The following PARD3B variants were observed in gnomAD, a reference collection of about 807,000 sequenced individuals.
PARD3B encodes partitioning defective 3 homolog B.
A neutral mutation model predicts 130.2 loss-of-function variants in PARD3B; 103 were observed. That is an observed-to-expected ratio of 0.79 (90% confidence interval 0.67 to 0.93). PARD3B has a LOEUF of 0.93. Ranked by LOEUF, PARD3B falls within the 40% of genes least tolerant of loss-of-function variation. The pLI, the probability that PARD3B is intolerant of heterozygous loss-of-function variation, is 0.00. For missense variants in PARD3B, 1,609 were observed against 1,499.2 expected (o/e 1.07, Z -1.21); for synonymous variants, 583 against 553.2 (o/e 1.05, Z -0.76).
chr2:204,847,536 G>T (rs2044513284), intron 2 of PARD3B, among the ~76,000 whole-genome samples: 1 of 152,102 alleles, frequency 6.6e-6, no homozygotes, highest in Non-Finnish European at 1.5e-5. Flanking sequence ...CAATTCATAT[G>T]TTTCAAGTTG....
intron 2 of PARD3B, among the ~76,000 whole-genome samples, chr2:204,871,722 T>G (rs1325542898): frequency 6.6e-6 from 1 of 152,122 alleles, no homozygotes; most frequent in Non-Finnish European, 1.5e-5. Flanking sequence ...TGATTTCCCT[T>G]TTATGTGTTG....
intron 2 of PARD3B, among the ~76,000 whole-genome samples, chr2:204,775,531 T>C (rs1398484358): frequency 1.3e-5 from 2 of 152,124 alleles, no homozygotes; most frequent in African/African-American, 2.4e-5. Flanking sequence ...GGAGCCAGGA[T>C]TGGAATCCAG....
intron 15 of PARD3B, among the ~76,000 whole-genome samples, chr2:205,195,606 A>G (rs1331604211): frequency 6.6e-6 from 1 of 152,230 alleles, no homozygotes; most frequent in Non-Finnish European, 1.5e-5. Flanking sequence ...GGAATAGACT[A>G]TTCGTTTTCC....
At chr2:204,805,234 T>G (rs1354810356) in intron 2 of PARD3B, among the ~76,000 whole-genome samples, 1 of 151,966 alleles carries the variant, frequency 6.6e-6, no homozygotes, top group African/African-American at 2.4e-5. Flanking sequence ...AAAGAGACAT[T>G]ACAACTGATA....
chr2:205,030,765 A>T (rs573027233), intron 3 of PARD3B, among the ~76,000 whole-genome samples: 13 of 152,262 alleles, frequency 8.5e-5, no homozygotes, highest in African/African-American at 2.9e-4. Context: ...TAGGACTGGA[A>T]GCTATGGTAA....
rs114371226 is a variant in PARD3B at position 205,117,395 on chromosome 2, G to A, written c.681-1526G>A. 8.0e-3 allele frequency among the ~76,000 whole-genome samples: 1,223 copies of A among 152,238 alleles called. 22 individuals carry two copies. The highest frequency in any genetic ancestry group is 0.027 in the African/African-American group (1,124 of 41,520). ...TTGCTGTTCTTTCTCCTGCAGCAGC[G>A]TGCTGTATTCATTTAACATTTTGAA... On this transcript the variant is annotated intron_variant, in intron 6 of 22. Transcript: ENST00000406610.
intron 2 of PARD3B, among the ~76,000 whole-genome samples, chr2:204,851,150 A>G (rs190279730): frequency 6.6e-6 from 1 of 152,324 alleles, no homozygotes; most frequent in African/African-American, 2.4e-5. Flanking sequence ...GGTTTATACC[A>G]GAGGTACTCC....
chr2:204,753,462 A>C (rs1271779113), intron 2 of PARD3B, among the ~76,000 whole-genome samples: 1 of 152,150 alleles, frequency 6.6e-6, no homozygotes, highest in African/African-American at 2.4e-5. Flanking sequence ...TTCCCATTCT[A>C]TACTGGCTTG....
intron 3 of PARD3B, among the ~76,000 whole-genome samples, chr2:204,982,363 A>G (rs1224817433): frequency 2.6e-5 from 4 of 152,152 alleles, no homozygotes; most frequent in East Asian, 3.9e-4. Context: ...TCTCCAACTC[A>G]CAGACGACCA....
At chr2:205,064,479 C>T (rs1700243066) in intron 4 of PARD3B, among the ~76,000 whole-genome samples, 2 of 152,136 alleles carry the variant, frequency 1.3e-5, no homozygotes, top group Non-Finnish European at 2.9e-5. Context: ...GAAAAAAAGT[C>T]TGATTGGCCC....
chr2:204,890,952 G>A lies in PARD3B; in HGVS notation c.223-74200G>A, dbSNP rs1004608113. Among the ~76,000 whole-genome samples, 8 of 152,068 alleles carry A rather than the reference G, an allele frequency of 5.3e-5. No individual in the cohort carries two copies. Among genetic ancestry groups the A allele is most frequent in the Non-Finnish European group, 8.8e-5 (6 of 68,008 alleles). On this transcript the variant is annotated intron_variant, in intron 2 of 22. Coordinates refer to ENST00000406610, the MANE Select transcript of PARD3B (RefSeq NM_001302769.2). The surrounding 1 kb of genome is among the most constrained non-coding windows in gnomAD (Gnocchi z 4.9). ...TCTTGCCATCATCCACTGCCTCCAT[G>A]AGGATATTCTAGGAATCTGTATCTA...
intron 20 of PARD3B, among the ~76,000 whole-genome samples, chr2:205,448,278 C>T (rs2047977352): frequency 6.6e-6 from 1 of 152,170 alleles, no homozygotes; most frequent in African/African-American, 2.4e-5. Context: ...CAGATATGGT[C>T]AGAAAATCAC....
At chr2:204,959,945 A>G (rs1348028628) in intron 2 of PARD3B, among the ~76,000 whole-genome samples, 1 of 150,378 alleles carries the variant, frequency 6.6e-6, no homozygotes, top group Non-Finnish European at 1.5e-5. Context: ...TGTTCCTGTG[A>G]ACCTCTTTCT....
chr2:204,973,451 T>C (rs1243958488), intron 3 of PARD3B, among the ~76,000 whole-genome samples: 1 of 152,180 alleles, frequency 6.6e-6, no homozygotes, highest in Non-Finnish European at 1.5e-5. Flanking sequence ...CAATTTAATA[T>C]ATGGTAAAGC....
At chr2:205,004,675 A>T (rs1043393497) in intron 3 of PARD3B, among the ~76,000 whole-genome samples, 4 of 152,202 alleles carry the variant, frequency 2.6e-5, no homozygotes, top group African/African-American at 9.7e-5. Flanking sequence ...TATTTTCATA[A>T]ATTAAATTAA....
chr2:204,574,659 G>A (rs2032165159), intron 1 of PARD3B, among the ~76,000 whole-genome samples: 1 of 152,210 alleles, frequency 6.6e-6, no homozygotes, highest in Non-Finnish European at 1.5e-5. Context: ...GTTCTTATCT[G>A]TAAGATGGCG....
At chr2:205,100,524 C>T (rs529902280) in intron 4 of PARD3B, among the ~76,000 whole-genome samples, 1 of 151,598 alleles carries the variant, frequency 6.6e-6, no homozygotes, top group Non-Finnish European at 1.5e-5. Flanking sequence ...CCCAGCATAG[C>T]CAAAGCAATC....
At chr2:204,588,871 G>A (rs1445525195) in intron 1 of PARD3B, among the ~76,000 whole-genome samples, 3 of 152,052 alleles carry the variant, frequency 2.0e-5, no homozygotes, top group African/African-American at 7.2e-5. Flanking sequence ...AGAGGGCTAG[G>A]CATCTGTACT....
chr2:205,567,618 G>A (rs192211284), intron 22 of PARD3B, among the ~76,000 whole-genome samples: 9 of 151,388 alleles, frequency 5.9e-5, no homozygotes, highest in Admixed American at 2.6e-4. Context: ...CACCGCGCCC[G>A]GCCTGTACTA....
Sources: gnomAD v4.1 joint callset for allele counts (sites outside exome capture counted in the v4.1 genomes callset) on GRCh38, gnomAD v4.1.1 for gene constraint, Gnocchi (gnomAD v3.1) non-coding constraint, MANE v1.5 for transcripts, NCBI Gene and HGNC (gene_info 2026-07-23, HGNC 2026-07-21) for gene names.